UBE2K: variants seen among roughly 807,000 people sequenced by gnomAD.
The protein encoded by UBE2K is ubiquitin-conjugating enzyme E2 K.
A neutral mutation model predicts 30.0 loss-of-function variants in UBE2K; 6 were observed. The ratio of observed to expected loss-of-function variants is 0.20; its 90% CI spans 0.11 to 0.39. UBE2K has a LOEUF of 0.39. Ranked by LOEUF, UBE2K falls within the 10% of genes least tolerant of loss-of-function variation. The pLI, the probability that UBE2K is intolerant of heterozygous loss-of-function variation, is 1.00. For synonymous variants in UBE2K, 86 were observed against 83.7 expected (o/e 1.03, Z -0.15); for missense variants, 61 against 241.6 (o/e 0.25, Z 4.96).
chr4:39,774,526 T>C lies in UBE2K; in HGVS notation c.300-308T>C, dbSNP rs188738653. Reference sequence around the variant, plus strand: ...TACTCTGAAGGCTGAGGCAGGAGAATGGCGTGAACCCGGGAGGCGGAGCTT... The same window carrying C: ...TACTCTGAAGGCTGAGGCAGGAGAACGGCGTGAACCCGGGAGGCGGAGCTT... On this transcript the variant is annotated intron_variant, in intron 4 of 6. Transcript: ENST00000261427. 2.5e-3 allele frequency among the ~76,000 whole-genome samples: 382 copies of C among 151,192 alleles called. 2 individuals are homozygous for C. Among genetic ancestry groups the C allele is most frequent in the African/African-American group, 9.0e-3 (369 of 41,156 alleles).
At chr4:39,735,006 C>T (rs896514556) in intron 1 of UBE2K, among the ~76,000 whole-genome samples, 2 of 152,078 alleles carry the variant, frequency 1.3e-5, no homozygotes, top group East Asian at 1.9e-4. Context: ...TATTTACATA[C>T]TACTTTTTGG....
At chr4:39,704,106 T>G (rs1269674745) in intron 1 of UBE2K, among the ~76,000 whole-genome samples, 1 of 150,442 alleles carries the variant, frequency 6.6e-6, no homozygotes, top group Non-Finnish European at 1.5e-5. Flanking sequence ...TTTCTAAGAC[T>G]AGAGGCAGGC....
In UBE2K at chr4:39,755,707, G is replaced by C. The variant is rs570318305; in HGVS notation, c.267G>C (p.Gly89=). Reference sequence around the variant, plus strand: ...ATCCTAATATTAGTTCCGTCACAGGGGCTATTTGTTTGGATATCCTGAAAG... The same window carrying C: ...ATCCTAATATTAGTTCCGTCACAGGCGCTATTTGTTTGGATATCCTGAAAG... The part of the protein sequence containing the change: ...IWHPNISSVT[G]AICLDILKDQ... The change falls in exon 4 of 7, where the codon GGG becomes GGC. Residue 89 remains glycine (G), a synonymous_variant. Transcript: ENST00000261427. 1 of 1,593,596 alleles carries C rather than the reference G, an allele frequency of 6.3e-7. No individual in the cohort carries two copies. The highest frequency in any genetic ancestry group is 2.3e-5 in the East Asian group (1 of 44,146).
intron 1 of UBE2K, among the ~76,000 whole-genome samples, chr4:39,698,659 G>A (rs1004805001): frequency 1.3e-5 from 2 of 152,120 alleles, no homozygotes; most frequent in Non-Finnish European, 2.9e-5. Flanking sequence ...CGGAGGGATG[G>A]AAGCTCACAA....
chr4:39,738,619 C>T (rs1253739206), intron 2 of UBE2K, among the ~76,000 whole-genome samples: 2 of 152,278 alleles, frequency 1.3e-5, no homozygotes, highest in South Asian at 2.1e-4. Context: ...GTAGCTAGTA[C>T]TACAGGTGCA....
In UBE2K at chr4:39,782,366, A is replaced by C; in HGVS notation, c.*3932A>C. 5.9e-6 allele frequency: 1 copy of C among 168,864 alleles called. No individual in the cohort carries two copies. The highest frequency in any genetic ancestry group is 1.6e-4 in the East Asian group (1 of 6,374). The allele number at this position is 168,864 out of a possible 1,614,324, so 10.5% of individuals were successfully genotyped here. A position where few individuals can be genotyped will look rare whatever the true frequency, so the allele number is the denominator to read the frequency against. On this transcript the variant is annotated 3_prime_UTR_variant, in exon 7 of 7. Transcript: ENST00000261427. ...AAGAGACTTATTTAATGTAATTTAA[A>C]AAACTTTTCCAATAGAAAATGAAAT...
chr4:39,700,164 CTT>C (rs1717928327), intron 1 of UBE2K, among the ~76,000 whole-genome samples: 1 of 152,030 alleles, frequency 6.6e-6, no homozygotes, highest in Admixed American at 6.6e-5. Flanking sequence ...AATGTGGTCT[CTT>C]TGCTTTTTAT....
chr4:39,770,806 C>G (rs1353889664), intron 4 of UBE2K: 15 of 1,557,638 alleles, frequency 9.6e-6, no homozygotes, highest in Non-Finnish European at 1.3e-5. Flanking sequence ...GCCGACTCCA[C>G]CTTGACGATG....
chr4:39,702,933 C>A (rs1718118623), intron 1 of UBE2K, among the ~76,000 whole-genome samples: 1 of 152,064 alleles, frequency 6.6e-6, no homozygotes, highest in Non-Finnish European at 1.5e-5. Context: ...CCCACTATCT[C>A]TTCTTGCTGG....
At chr4:39,702,770 T>TTTTTTTTTTTTTTTTTTTGAGACGGA (rs1718109057) in intron 1 of UBE2K, among the ~76,000 whole-genome samples, 1 of 152,150 alleles carries the variant, frequency 6.6e-6, no homozygotes, top group Non-Finnish European at 1.5e-5. Context: ...TTTTGATTTC[T>TTTTTTTTTTTTTTTTTTTGAGACGGA]GTAGACCATG....
intron 1 of UBE2K, among the ~76,000 whole-genome samples, chr4:39,700,516 T>C (rs1717949635): frequency 6.6e-6 from 1 of 152,194 alleles, no homozygotes; most frequent in African/African-American, 2.4e-5. Flanking sequence ...AACCAATAAA[T>C]AGCTTATTTT....
At chr4:39,719,677 A>G (rs1578432884) in intron 1 of UBE2K, among the ~76,000 whole-genome samples, 1 of 152,280 alleles carries the variant, frequency 6.6e-6, no homozygotes, top group East Asian at 1.9e-4. Context: ...CTTTGTTTCA[A>G]GTGAAGCATC....
intron 1 of UBE2K, among the ~76,000 whole-genome samples, chr4:39,727,303 A>G (rs554332141): frequency 6.6e-6 from 1 of 152,346 alleles, no homozygotes; most frequent in South Asian, 2.1e-4. Flanking sequence ...CTTGATGTGA[A>G]GAAGTTTGAG....
intron 1 of UBE2K, among the ~76,000 whole-genome samples, chr4:39,702,545 C>T (rs1718094159): frequency 6.6e-6 from 1 of 152,046 alleles, no homozygotes. Context: ...TGAGCTACTG[C>T]ACCTGGCCAA....
chr4:39,717,911 C>T (rs1226382264), intron 1 of UBE2K, among the ~76,000 whole-genome samples: 6 of 145,760 alleles, frequency 4.1e-5, no homozygotes, highest in Admixed American at 6.7e-5. Flanking sequence ...TCGTTCCTCC[C>T]GGTGGGTTCG....
At chr4:39,725,489 T>C (rs548454651) in intron 1 of UBE2K, among the ~76,000 whole-genome samples, 1 of 152,072 alleles carries the variant, frequency 6.6e-6, no homozygotes, top group South Asian at 2.1e-4. Flanking sequence ...TCACAGTTGC[T>C]TCTCAGTTCA....
intron 4 of UBE2K, among the ~76,000 whole-genome samples, chr4:39,772,983 A>C (rs1713005263): frequency 1.1e-5 from 1 of 94,166 alleles, no homozygotes; most frequent in African/African-American, 5.0e-5. Context: ...CACCGCGCCC[A>C]GCCAGTGAGA....
rs182023595 is a variant in UBE2K, at chr4:39,738,688, T to A, written c.157+1175T>A. Among the ~76,000 whole-genome samples, 115 of 152,250 alleles carry A rather than the reference T, an allele frequency of 7.6e-4. No individual in the cohort carries two copies. In the Middle Eastern group the frequency reaches 0.014, roughly 18 times the overall value. ...TTTTTTGTTGTTCATTTTTTGATTG[T>A]TTGTTTTTTGAGACTGAGTCTCTCT... On this transcript the variant is annotated intron_variant, in intron 2 of 6. Coordinates refer to ENST00000261427, the MANE Select transcript of UBE2K (RefSeq NM_005339.5).
chr4:39,714,548 A>ATTTT lies in UBE2K; in HGVS notation c.63+16159_63+16160insTTTT, dbSNP rs1168820129. The ATTTT allele has an allele frequency of 1.4e-3, 35 of 24,664 alleles. 1 individual carries two copies. The highest frequency in any genetic ancestry group is 3.8e-3 in the Admixed American group (4 of 1,050). The allele number at this position is 24,664 out of a possible 1,614,324, so 1.5% of individuals were successfully genotyped here. ...TATATATATATATATATATATATAT[A>ATTTT]TATTTTTTTTTTTTTTTAAGACTGA... is the stretch of plus-strand genomic sequence containing the variant. On this transcript the variant is annotated intron_variant, in intron 1 of 6. Coordinates refer to ENST00000261427, the MANE Select transcript of UBE2K (RefSeq NM_005339.5).
Sources: allele counts gnomAD v4.1 joint callset (sites outside exome capture counted in the v4.1 genomes callset), GRCh38; gene constraint gnomAD v4.1.1; transcripts MANE v1.5; gene names NCBI Gene and HGNC (gene_info 2026-07-23, HGNC 2026-07-21).